Variants in SORCS2 observed in about 807,000 individuals in gnomAD.
SORCS2 encodes the protein VPS10 domain-containing receptor SorCS2.
In SORCS2, 100 loss-of-function variants were observed where a neutral mutation model predicts 141.6. That is an observed-to-expected ratio of 0.71 (90% CI 0.60 to 0.83). SORCS2 has a LOEUF of 0.83. Ranked by LOEUF, SORCS2 falls within the 40% of genes least tolerant of loss-of-function variation. SORCS2 has a pLI of 0.00. For synonymous variants in SORCS2, 789 were observed against 676.9 expected, an observed-to-expected ratio of 1.17 and a Z score of -2.57; for missense variants, 1,646 against 1,560.2, an observed-to-expected ratio of 1.05 and a Z score of -0.93.
chr4:7,410,005 G>A (rs1171603860), intron 2 of SORCS2, among the ~76,000 whole-genome samples: 1 of 152,236 alleles, frequency 6.6e-6, no homozygotes, highest in Non-Finnish European at 1.5e-5. Flanking sequence ...CAGCAATGCA[G>A]CGTCCTCTGA....
At chr4:7,470,837 T>C (rs1001825399) in intron 2 of SORCS2, among the ~76,000 whole-genome samples, 3 of 152,234 alleles carry the variant, frequency 2.0e-5, no homozygotes, top group Admixed American at 1.3e-4. Context: ...AGCTCATTGC[T>C]GCATCCTCAC....
intron 3 of SORCS2, among the ~76,000 whole-genome samples, chr4:7,616,017 C>T (rs755546702): frequency 7.9e-5 from 12 of 152,156 alleles, no homozygotes; most frequent in Non-Finnish European, 1.6e-4. Flanking sequence ...AAAAAAGTTA[C>T]TTCTTTATTG....
At chr4:7,635,939 G>A (rs35771330) in intron 3 of SORCS2, among the ~76,000 whole-genome samples, 49,930 of 152,136 alleles carry the variant, frequency 0.33, 8,758 homozygotes, top group African/African-American at 0.47. Context: ...AGAATCTATG[G>A]GATCACCATT....
chr4:7,717,104 A>G (rs1020333047), intron 17 of SORCS2, among the ~76,000 whole-genome samples: 1 of 152,230 alleles, frequency 6.6e-6, no homozygotes, highest in African/African-American at 2.4e-5. Flanking sequence ...ACAAGTAGCA[A>G]GCTGGATGAG....
chr4:7,464,949 C>T (rs1431252446), intron 2 of SORCS2, among the ~76,000 whole-genome samples: 1 of 152,254 alleles, frequency 6.6e-6, no homozygotes, highest in Non-Finnish European at 1.5e-5. Flanking sequence ...CACGGCGGCT[C>T]CTCGCTGCAG....
chr4:7,709,039 T>A (rs1019242507), intron 14 of SORCS2, among the ~76,000 whole-genome samples: 1 of 152,156 alleles, frequency 6.6e-6, no homozygotes, highest in African/African-American at 2.4e-5. Flanking sequence ...GTCCTGCCTT[T>A]TCCTGCAGCT....
chr4:7,372,875 TTGG>T (rs1722346685), intron 1 of SORCS2, among the ~76,000 whole-genome samples: 1 of 152,160 alleles, frequency 6.6e-6, no homozygotes, highest in Non-Finnish European at 1.5e-5. Context: ...TTGTGATTTG[TTGG>T]TGCTGGCATG....
In SORCS2 at chr4:7,193,456, T is replaced by C. The variant is rs1165319990; in HGVS notation, c.480+330T>C. 1.3e-5 allele frequency among the ~76,000 whole-genome samples: 2 copies of C among 150,514 alleles called. No homozygotes were observed. The highest frequency in any genetic ancestry group is 5.0e-5 in the African/African-American group (2 of 40,268). ...CCCAGAACCTTCGGAAGCCTGCAGG[T>C]CCTTGAGGGTACCCCAGCTCGGCGT... On this transcript the variant is annotated intron_variant, in intron 1 of 26. Coordinates refer to ENST00000507866, the MANE Select transcript of SORCS2 (RefSeq NM_020777.3). This position sits in a 1 kb window ranked among gnomAD's most constrained non-coding sequence, Gnocchi z 4.8.
chr4:7,372,802 TACATGGAATCA>T (rs1560227735), intron 1 of SORCS2, among the ~76,000 whole-genome samples: 1 of 152,000 alleles, frequency 6.6e-6, no homozygotes, highest in African/African-American at 2.4e-5. Flanking sequence ...GAGTGCCGTA[TACATGGAATCA>T]CACAGCATCT....
At chr4:7,384,878 G>T (rs376036951) in intron 1 of SORCS2, among the ~76,000 whole-genome samples, 2 of 152,370 alleles carry the variant, frequency 1.3e-5, no homozygotes, top group Admixed American at 1.3e-4. Context: ...AGGGGGCGCG[G>T]ACACTGCATT....
intron 2 of SORCS2, among the ~76,000 whole-genome samples, chr4:7,482,499 A>G (rs1427394182): frequency 5.6e-4 from 23 of 40,866 alleles, no homozygotes; most frequent in African/African-American, 1.8e-3. Context: ...CTGTATCCCC[A>G]CCGCGGACAC....
chr4:7,524,945 G>A (rs745435320), intron 2 of SORCS2, among the ~76,000 whole-genome samples: 1 of 152,148 alleles, frequency 6.6e-6, no homozygotes, highest in Non-Finnish European at 1.5e-5. Flanking sequence ...CCTGTCCCCC[G>A]AGCACCCCTG....
chr4:7,527,928 A>C (rs192774352), intron 2 of SORCS2, among the ~76,000 whole-genome samples: 2 of 152,158 alleles, frequency 1.3e-5, no homozygotes, highest in East Asian at 3.9e-4. Context: ...GGACCCCCTC[A>C]GTTTGATGTT....
intron 2 of SORCS2, among the ~76,000 whole-genome samples, chr4:7,464,938 C>A (rs1264871440): frequency 6.6e-6 from 1 of 152,374 alleles, no homozygotes; most frequent in Admixed American, 6.5e-5. Context: ...AGCCCGGCCT[C>A]CACGGCGGCT....
In SORCS2 at chr4:7,495,330, C is replaced by T. The variant is rs12647831; in HGVS notation, c.549-36200C>T. 9.2e-5 allele frequency among the ~76,000 whole-genome samples: 14 copies of T among 152,344 alleles called. 1 individual carries two copies. Among genetic ancestry groups the T allele is most frequent in the South Asian group, 2.1e-4 (1 of 4,824 alleles). On this transcript the variant is annotated intron_variant, in intron 2 of 26. Coordinates refer to ENST00000507866, the MANE Select transcript of SORCS2 (RefSeq NM_020777.3). ...AAGCGAGGCCAGGCTGGGTTCAATG[C>T]GCCCAGCGTTGCCTTTTGAAGGTTC... is the stretch of plus-strand genomic sequence containing the variant.
intron 3 of SORCS2, among the ~76,000 whole-genome samples, chr4:7,600,655 A>G (rs959410114): frequency 2.9e-3 from 226 of 76,830 alleles, no homozygotes; most frequent in African/African-American, 0.014. Context: ...ACATATATAT[A>G]TACACACACA....
intron 2 of SORCS2, among the ~76,000 whole-genome samples, chr4:7,526,951 T>C (rs1360167360): frequency 1.3e-5 from 2 of 152,254 alleles, no homozygotes; most frequent in African/African-American, 4.8e-5. Context: ...TTACATTCTT[T>C]TTAATGCTAA....
chr4:7,372,447 C>T (rs140289599), intron 1 of SORCS2, among the ~76,000 whole-genome samples: 4,232 of 152,152 alleles, frequency 0.028, 189 homozygotes, highest in African/African-American at 0.096. Context: ...GCTGGGATTA[C>T]AGGCACCTGC....
At position 7,319,310 on chromosome 4, in the gene SORCS2, C is replaced by T. The variant is rs150286613; in HGVS notation, c.481-76978C>T. 1.4e-4 allele frequency among the ~76,000 whole-genome samples: 21 copies of T among 152,246 alleles called. No individual in the cohort carries two copies. In the East Asian group the frequency reaches 3.3e-3, roughly 24 times the overall value. On this transcript the variant is annotated intron_variant, in intron 1 of 26. Transcript: ENST00000507866. ...AGGCTCTGAGTGTGGCAAGTTCAGT[C>T]CTTCTAATCATGAATCGAGCTGGGT... is the stretch of plus-strand genomic sequence containing the variant.
Sources: gnomAD v4.1 joint callset for allele counts (sites outside exome capture counted in the v4.1 genomes callset) on GRCh38, gnomAD v4.1.1 for gene constraint, Gnocchi (gnomAD v3.1) non-coding constraint, MANE v1.5 for transcripts, NCBI Gene and HGNC (gene_info 2026-07-23, HGNC 2026-07-21) for gene names.